CHMP3: variants seen among roughly 807,000 people sequenced by gnomAD.
CHMP3 encodes 25.1 protein.
A neutral mutation model predicts 27.4 loss-of-function variants in CHMP3; 8 were observed. The ratio of observed to expected loss-of-function variants is 0.29; its 90% CI spans 0.17 to 0.53. The LOEUF (loss-of-function observed/expected upper bound fraction) is 0.53. Among genes scored for constraint, CHMP3 ranks in the 20% least tolerant of loss-of-function variants. The probability of loss-of-function intolerance (pLI) is 0.96; values close to 1 mark genes in which losing one functional copy is unlikely to be tolerated. For missense variants in CHMP3, 208 were observed against 271.5 expected (o/e 0.77, Z 1.64); for synonymous variants, 86 against 85.5 (o/e 1.01, Z -0.03).
At chr2:86,529,713 C>T (rs1294312359) in intron 2 of CHMP3, among the ~76,000 whole-genome samples, 2 of 152,102 alleles carry the variant, frequency 1.3e-5, no homozygotes, top group Non-Finnish European at 2.9e-5. Context: ...AGTATTCCCA[C>T]AATTATAAGA....
intron 3 of CHMP3, among the ~76,000 whole-genome samples, chr2:86,525,257 T>C (rs1215856154): frequency 6.6e-6 from 1 of 152,124 alleles, no homozygotes; most frequent in African/African-American, 2.4e-5. Context: ...TATAAAACTA[T>C]TTCAAAAACA....
intron 1 of CHMP3, among the ~76,000 whole-genome samples, chr2:86,557,557 C>T (rs1677173963): frequency 6.6e-6 from 1 of 152,216 alleles, no homozygotes. Context: ...ACTACCATCA[C>T]TCCTCTTGCA....
At chr2:86,507,722 C>G (rs1573233341) in intron 4 of CHMP3, 129 bp from the exon 5 acceptor site, 1 of 740,684 alleles carries the variant, frequency 1.4e-6, no homozygotes, top group Admixed American at 2.3e-5. Context: ...CACGAGACAG[C>G]TGGCCAAAGG....
chr2:86,560,295 T>C (rs1165209396), intron 1 of CHMP3, among the ~76,000 whole-genome samples: 1 of 151,926 alleles, frequency 6.6e-6, no homozygotes, highest in Non-Finnish European at 1.5e-5. Flanking sequence ...CTATTCACAA[T>C]AGCAAAGACT....
intron 2 of CHMP3, among the ~76,000 whole-genome samples, chr2:86,532,844 G>A (rs1675980993): frequency 6.6e-6 from 1 of 152,154 alleles, no homozygotes; most frequent in Non-Finnish European, 1.5e-5. Flanking sequence ...CTAGTATTCT[G>A]TTGAAGATTT....
At chr2:86,555,999 T>A (rs1677107289) in intron 1 of CHMP3, among the ~76,000 whole-genome samples, 1 of 152,194 alleles carries the variant, frequency 6.6e-6, no homozygotes, top group Non-Finnish European at 1.5e-5. Context: ...CTTAAAATAT[T>A]AAAGATTTTT....
At chr2:86,513,038 C>T (rs539202926) in intron 3 of CHMP3, among the ~76,000 whole-genome samples, 3 of 152,250 alleles carry the variant, frequency 2.0e-5, no homozygotes, top group Non-Finnish European at 4.4e-5. Flanking sequence ...AATATGTCCA[C>T]AGAAAAACCT....
At position 86,504,593 on chromosome 2, in the gene CHMP3, T is replaced by C. The variant is rs1674821321; in HGVS notation, c.*1211A>G. On this transcript the variant is annotated 3_prime_UTR_variant, in exon 6 of 6. Coordinates refer to ENST00000263856, the MANE Select transcript of CHMP3 (RefSeq NM_016079.4). ...AACTCCTATTCTCAAGAGAGCCTCC[T>C]GCCTCAGCCTTGTAAAGCACTGGGA... 6.9e-6 allele frequency: 1 copy of C among 145,964 alleles called. No individual in the cohort carries two copies. The highest frequency in any genetic ancestry group is 7.0e-5 in the Admixed American group (1 of 14,194). 9.0% of individuals were successfully genotyped at this position (145,964 alleles called of 1,614,324 possible).
chr2:86,557,892 T>C (rs1185526268), intron 1 of CHMP3, among the ~76,000 whole-genome samples: 4 of 152,212 alleles, frequency 2.6e-5, no homozygotes, highest in Admixed American at 2.6e-4. Flanking sequence ...ACTATATTCT[T>C]TGAAGTCATC....
Position 86,519,077 on chromosome 2 carries a change from A to T in CHMP3, c.287-8598T>A, listed in dbSNP as rs560933743. On this transcript the variant is annotated intron_variant, in intron 3 of 5. Coordinates refer to ENST00000263856, the MANE Select transcript of CHMP3 (RefSeq NM_016079.4). ...CATGTGGCTGTTTCTTATCCACCATAAAAAAGCAAAGGAGGGCCGGGCACG... is the reference window on the plus strand; with the variant it reads ...CATGTGGCTGTTTCTTATCCACCATTAAAAAGCAAAGGAGGGCCGGGCACG... Among the ~76,000 whole-genome samples, 27 of 152,286 alleles carry T rather than the reference A, an allele frequency of 1.8e-4. No homozygotes were observed. The South Asian group carries it at 5.2e-3, about 29-fold the overall frequency.
intron 3 of CHMP3, among the ~76,000 whole-genome samples, chr2:86,521,010 C>T (rs1363771422): frequency 6.6e-6 from 1 of 152,196 alleles, no homozygotes; most frequent in Admixed American, 6.5e-5. Context: ...ACTTTGTAAT[C>T]TCCGCCACCC....
chr2:86,525,106 A>G (rs980252216), intron 3 of CHMP3, among the ~76,000 whole-genome samples: 3 of 152,228 alleles, frequency 2.0e-5, no homozygotes, highest in African/African-American at 4.8e-5. Context: ...TAAATAAATC[A>G]TAATTTACTG....
chr2:86,519,340 G>A lies in CHMP3; in HGVS notation c.287-8861C>T, dbSNP rs544367633. ...AGATTGTGCCACTGCGCTCCAGCCT[G>A]GGCAACAAGAGCAAAACTTCATCTC... On this transcript the variant is annotated intron_variant, in intron 3 of 5. Transcript: ENST00000263856. Among the ~76,000 whole-genome samples, 5 of 150,856 alleles carry A rather than the reference G, an allele frequency of 3.3e-5. No homozygotes were observed. In the South Asian group the frequency reaches 1.1e-3, roughly 32 times the overall value.
intron 1 of CHMP3, among the ~76,000 whole-genome samples, chr2:86,554,354 T>A (rs2104037822): frequency 6.6e-6 from 1 of 152,352 alleles, no homozygotes; most frequent in East Asian, 1.9e-4. Flanking sequence ...ATAAAGTAGT[T>A]GGCATTTCAT....
chr2:86,525,801 G>C (rs1675683269), intron 3 of CHMP3, among the ~76,000 whole-genome samples: 1 of 152,108 alleles, frequency 6.6e-6, no homozygotes, highest in Non-Finnish European at 1.5e-5. Context: ...AGAAAGACTG[G>C]AAGAAGACAA....
At chr2:86,526,397 G>GAACTCAT (rs1675711344) in intron 3 of CHMP3, among the ~76,000 whole-genome samples, 3 of 152,024 alleles carry the variant, frequency 2.0e-5, no homozygotes, top group Admixed American at 2.0e-4. Context: ...AAGGTGAAAA[G>GAACTCAT]GTATGGAAAA....
intron 3 of CHMP3, among the ~76,000 whole-genome samples, chr2:86,523,355 C>G (rs1675583761): frequency 6.6e-6 from 1 of 152,218 alleles, no homozygotes; most frequent in Non-Finnish European, 1.5e-5. Flanking sequence ...ATTTCTCTTT[C>G]ACGTTCTCCT....
chr2:86,534,196 C>CTT (rs33977886), intron 2 of CHMP3, among the ~76,000 whole-genome samples: 13 of 66,902 alleles, frequency 1.9e-4, no homozygotes, highest in African/African-American at 2.8e-4. Context: ...TGCTTTATTT[C>CTT]TTTTTTTTTT....
chr2:86,544,193 A>G (rs1346789948), intron 1 of CHMP3, among the ~76,000 whole-genome samples: 1 of 152,196 alleles, frequency 6.6e-6, no homozygotes, highest in Non-Finnish European at 1.5e-5. Context: ...TCGTTTATCC[A>G]TTCAACTGTT....
Sources: gnomAD v4.1 joint callset for allele counts (sites outside exome capture counted in the v4.1 genomes callset) on GRCh38, gnomAD v4.1.1 for gene constraint, MANE v1.5 for transcripts, NCBI Gene and HGNC (gene_info 2026-07-23, HGNC 2026-07-21) for gene names.